The following TPM1 variants were observed in gnomAD, a reference collection of about 807,000 sequenced individuals.
The protein encoded by TPM1 is tropomyosin alpha-1 chain.
Under a neutral mutation model 42.9 loss-of-function variants are expected in TPM1, and 24 were observed. That is an observed-to-expected ratio of 0.56 (90% CI 0.41 to 0.79). TPM1 has a LOEUF of 0.79. TPM1 is among the 30% of genes least tolerant of loss of function. The pLI, the probability that TPM1 is intolerant of heterozygous loss-of-function variation, is 0.00. For missense variants in TPM1, 158 were observed against 351.8 expected (o/e 0.45, Z 4.41); for synonymous variants, 136 against 130.1 (o/e 1.05, Z -0.31).
intron 4 of TPM1, 59 bp downstream of exon 4, chr15:63,059,739 G>A (rs927173785): frequency 6.4e-6 from 8 of 1,250,264 alleles, no homozygotes; most frequent in East Asian, 2.5e-5. Context: ...AGGAAGCCAG[G>A]GAGCAATGTA....
In TPM1 at chr15:63,048,287, G is replaced by A. The variant is rs1295830119; in HGVS notation, c.240+4135G>A. Reference sequence around the variant, plus strand: ...CAGGTACCCCCGCAGCGCGCCGGGAGCGCCTTTCTCCCCGCCGCCGCGAGC... The same window carrying A: ...CAGGTACCCCCGCAGCGCGCCGGGAACGCCTTTCTCCCCGCCGCCGCGAGC... On this transcript the variant is annotated intron_variant, in intron 2 of 9. Transcript: ENST00000403994. 10 of 660,886 alleles carry A rather than the reference G, an allele frequency of 1.5e-5. No homozygotes were observed. The East Asian group carries it at 2.1e-4, about 14-fold the overall frequency. The allele number at this position is 660,886 out of a possible 1,614,324, so 40.9% of individuals were successfully genotyped here. A position where few individuals can be genotyped will look rare whatever the true frequency, so the allele number is the denominator to read the frequency against.
At chr15:63,061,232 A>G in intron 5 of TPM1, 3 of 1,614,202 alleles carry the variant, frequency 1.9e-6, no homozygotes, top group Non-Finnish European at 2.5e-6. Flanking sequence ...ATTAAGAATA[A>G]TGGATCAGAC....
intron 4 of TPM1, chr15:63,060,036 G>C (rs1566963020): frequency 1.3e-5 from 4 of 316,808 alleles, no homozygotes; most frequent in Non-Finnish European, 1.9e-5. Flanking sequence ...TCTTCCCAGA[G>C]TGACCTGGCA....
intron 2 of TPM1, chr15:63,048,819 C>T (rs2033161154): frequency 1.4e-6 from 2 of 1,427,786 alleles, no homozygotes; most frequent in Middle Eastern, 1.7e-4. Flanking sequence ...GTCCCCACGC[C>T]TCCAGGGCGC....
In TPM1 at chr15:63,061,701, C is replaced by T. The variant is rs113591254; in HGVS notation, c.564-12C>T. 2.6e-5 allele frequency: 42 copies of T among 1,613,738 alleles called. No individual in the cohort carries two copies. Among genetic ancestry groups the T allele is most frequent in the Middle Eastern group, 3.3e-4 (2 of 6,062 alleles). On this transcript the variant is annotated splice_polypyrimidine_tract_variant and intron_variant, in intron 5 of 9. Coordinates refer to ENST00000403994, the MANE Select transcript of TPM1 (RefSeq NM_001018005.2). ...GTCTCCCACCCTTTCTGCCTCTGAT[C>T]GAAAACATTAGCAAATGTGCCGAGC...
rs80132280 is a variant in TPM1, at chr15:63,058,982, A to G, written c.375-581A>G. On this transcript the variant is annotated intron_variant, in intron 3 of 9. Transcript: ENST00000403994. ...TTATAGGTAAAACTTAATTTGATGC[A>G]TTCAGTTGAACCATAAGAAATTGCC... Among the ~76,000 whole-genome samples the G allele has an allele frequency of 3.5e-3, 533 of 152,356 alleles. 4 individuals are homozygous for G. Among genetic ancestry groups the G allele is most frequent in the African/African-American group, 0.012 (506 of 41,578 alleles).
chr15:63,070,073 T>C, downstream of TPM1: 1 of 1,546,478 alleles, frequency 6.5e-7, no homozygotes, highest in Non-Finnish European at 8.7e-7. Flanking sequence ...ATGCAAGGAA[T>C]TGGCTGAAAG....
At chr15:63,068,685 C>T (rs907374380), downstream of TPM1, among the ~76,000 whole-genome samples, 3 of 152,156 alleles carry the variant, frequency 2.0e-5, no homozygotes, top group Admixed American at 2.0e-4. Flanking sequence ...CTTGGATGTC[C>T]CCTGGATCAT....
intron 2 of TPM1, among the ~76,000 whole-genome samples, chr15:63,052,743 G>C (rs970332499): frequency 6.7e-6 from 1 of 150,374 alleles, no homozygotes; most frequent in Non-Finnish European, 1.5e-5. Flanking sequence ...AAGAACCTTA[G>C]AAAATATTGA....
intron 9 of TPM1, 102 bp from the exon 10 acceptor site, chr15:63,065,794 G>C: frequency 7.0e-7 from 1 of 1,425,812 alleles, no homozygotes; most frequent in Non-Finnish European, 9.5e-7. Context: ...CTTCTTGTCT[G>C]TGTTTCAAGT....
At chr15:63,048,265 G>A in intron 2 of TPM1, 1 of 552,330 alleles carries the variant, frequency 1.8e-6, no homozygotes, top group Non-Finnish European at 3.2e-6. Context: ...AGCTCACCAG[G>A]TACCCCCGCA....
At chr15:63,066,649 G>A (rs2036292797), downstream of TPM1, among the ~76,000 whole-genome samples, 1 of 152,192 alleles carries the variant, frequency 6.6e-6, no homozygotes. Flanking sequence ...TTTGGTTATT[G>A]TCGATCATCC....
intron 1 of TPM1, 149 bp from the exon 2 acceptor site, chr15:63,043,874 CTCTT>C (rs757000846): frequency 3.0e-5 from 46 of 1,550,154 alleles, no homozygotes; most frequent in South Asian, 1.5e-4. Flanking sequence ...GAATGGCTAA[CTCTT>C]TCTCTTTCTC....
At chr15:63,052,884 C>T (rs2140846622) in intron 2 of TPM1, among the ~76,000 whole-genome samples, 1 of 152,082 alleles carries the variant, frequency 6.6e-6, no homozygotes, top group African/African-American at 2.4e-5. Context: ...AAAAAAGTGG[C>T]CCTGATTAAA....
chr15:63,052,062 G>A (rs971983818), intron 2 of TPM1, among the ~76,000 whole-genome samples: 4 of 152,040 alleles, frequency 2.6e-5, no homozygotes. Flanking sequence ...GCACCAGGAA[G>A]TTACTTAAAA....
Position 63,062,293 on chromosome 15 carries a change from T to C in TPM1, c.702+16T>C, listed in dbSNP as rs540541346. 3.1e-6 allele frequency: 5 copies of C among 1,612,716 alleles called. No homozygotes were observed. In the South Asian group the frequency reaches 4.4e-5, roughly 14 times the overall value. ...GCTGAAGGAGGTAATATGAGAGTTGTGGATGAAGCCAACTGGATTTTAAAT... is the reference window on the plus strand; with the variant it reads ...GCTGAAGGAGGTAATATGAGAGTTGCGGATGAAGCCAACTGGATTTTAAAT... On this transcript the variant is annotated intron_variant, in intron 7 of 9. Transcript: ENST00000403994.
chr15:63,055,718 A>G (rs1385401044), intron 2 of TPM1: 1 of 152,128 alleles, frequency 6.6e-6, no homozygotes, highest in Non-Finnish European at 1.5e-5. Context: ...AAACCCCACC[A>G]CCCCTTAGTG....
intron 6 of TPM1, 48 bp downstream of exon 6, chr15:63,061,836 T>C (rs1366504320): frequency 3.9e-6 from 6 of 1,544,750 alleles, no homozygotes; most frequent in Non-Finnish European, 5.4e-6. Flanking sequence ...TAAGAGCTGC[T>C]CAAAAGAGGC....
At chr15:63,053,418 G>GTGGAGAGCC (rs1407445004) in intron 2 of TPM1, among the ~76,000 whole-genome samples, 1 of 152,154 alleles carries the variant, frequency 6.6e-6, no homozygotes, top group African/African-American at 2.4e-5. Context: ...AAGTGACATA[G>GTGGAGAGCC]TGGAGAGCCG....
Sources: allele counts gnomAD v4.1 joint callset (sites outside exome capture counted in the v4.1 genomes callset), GRCh38; gene constraint gnomAD v4.1.1; transcripts MANE v1.5; gene names NCBI Gene and HGNC (gene_info 2026-07-23, HGNC 2026-07-21).